The following FBXL14 variants were observed in gnomAD, a reference collection of about 807,000 sequenced individuals.
FBXL14 encodes F-box/LRR-repeat protein 14.
In FBXL14, 11 loss-of-function variants were observed where a neutral mutation model predicts 24.5. That is an observed-to-expected ratio of 0.45 (90% CI 0.28 to 0.74). FBXL14 has a LOEUF of 0.74. FBXL14 is among the 30% of genes least tolerant of loss of function. FBXL14 has a pLI of 0.12. For missense variants in FBXL14, 384 were observed against 545.6 expected (o/e 0.70, Z 2.95); for synonymous variants, 294 against 240.4 (o/e 1.22, Z -2.06).
At chr12:1,591,908 A>G (rs2094491041) in intron 1 of FBXL14, among the ~76,000 whole-genome samples, 1 of 152,098 alleles carries the variant, frequency 6.6e-6, no homozygotes, top group South Asian at 2.1e-4. Context: ...CAACGGTTCA[A>G]CTCTCATTGC....
chr12:1,569,784 T>TAA lies in FBXL14; in HGVS notation c.1195-2975_1195-2974insTT, dbSNP rs1439470402. ...TTTTATGCTGTCCCACAGAAAAGAC[T>TAA]ATTGCCAAAGAGCAGAGCCACTTTT... is the stretch of plus-strand genomic sequence containing the variant. On this transcript the variant is annotated intron_variant, in intron 1 of 1. Transcript: ENST00000339235. This position sits in a 1 kb window ranked among gnomAD's most constrained non-coding sequence, Gnocchi z 4.2. 6.6e-6 allele frequency among the ~76,000 whole-genome samples: 1 copy of TAA among 152,204 alleles called. No homozygotes were observed. The highest frequency in any genetic ancestry group is 1.5e-5 in the Non-Finnish European group (1 of 68,038).
rs2094461908 is a variant in FBXL14 at position 1,579,370 on chromosome 12, C to G, written c.1195-12560G>C. On this transcript the variant is annotated intron_variant, in intron 1 of 1. Coordinates refer to ENST00000339235, the MANE Select transcript of FBXL14 (RefSeq NM_152441.3). The surrounding 1 kb of genome is among the most constrained non-coding windows in gnomAD (Gnocchi z 4.3). The stretch of plus-strand genomic sequence containing the variant: ...GTGGCTCACGCCTGTAATCCCAGCA[C>G]TTTGGGAGGCTGAGGTGGGTGGATC... 3.3e-5 allele frequency among the ~76,000 whole-genome samples: 5 copies of G among 152,036 alleles called. No homozygotes were observed. In the South Asian group the frequency reaches 1.0e-3, roughly 31 times the overall value.
At chr12:1,589,828 C>CT (rs2094485446) in intron 1 of FBXL14, among the ~76,000 whole-genome samples, 1 of 152,188 alleles carries the variant, frequency 6.6e-6, no homozygotes, top group Non-Finnish European at 1.5e-5. Flanking sequence ...ATGGTCGTAA[C>CT]TTTCAAACAT....
At chr12:1,578,161 A>G (rs2094459519) in intron 1 of FBXL14, among the ~76,000 whole-genome samples, 1 of 152,172 alleles carries the variant, frequency 6.6e-6, no homozygotes, top group Admixed American at 6.5e-5. Context: ...AATTCTAATT[A>G]TGTTCATCTT....
intron 1 of FBXL14, among the ~76,000 whole-genome samples, chr12:1,581,463 T>C (rs1466331995): frequency 2.0e-5 from 3 of 152,126 alleles, no homozygotes; most frequent in Non-Finnish European, 4.4e-5. Context: ...TCACGTGGTT[T>C]GGATGGAGAA....
chr12:1,572,233 A>G (rs190810761), intron 1 of FBXL14, among the ~76,000 whole-genome samples: 1 of 152,352 alleles, frequency 6.6e-6, no homozygotes, highest in East Asian at 1.9e-4. Context: ...GGAACTTTTT[A>G]AATAACTTTA....
Position 1,566,527 on chromosome 12 carries a change from G to C in FBXL14, c.*221C>G. On this transcript the variant is annotated 3_prime_UTR_variant, in exon 2 of 2. Coordinates refer to ENST00000339235, the MANE Select transcript of FBXL14 (RefSeq NM_152441.3). ...AGCAAGTCTCCTTGGATCCATAAAG[G>C]AAGCGAGGTCTCAGAGCAAACCACT... 2.2e-6 allele frequency: 1 copy of C among 455,734 alleles called. No individual in the cohort carries two copies. Among genetic ancestry groups the C allele is most frequent in the Non-Finnish European group, 3.9e-6 (1 of 257,416 alleles). The allele number at this position is 455,734 out of a possible 1,614,324, so 28.2% of individuals were successfully genotyped here. A position where few individuals can be genotyped will look rare whatever the true frequency, so the allele number is the denominator to read the frequency against.
chr12:1,566,559 A>C lies in FBXL14; in HGVS notation c.*189T>G. On this transcript the variant is annotated 3_prime_UTR_variant, in exon 2 of 2. Coordinates refer to ENST00000339235, the MANE Select transcript of FBXL14 (RefSeq NM_152441.3). The stretch of plus-strand genomic sequence containing the variant: ...GGTCTCAGAGCAAACCACTGTCCCC[A>C]GAACTGGAGAAACCGGCAGGAGAAT... The C allele has an allele frequency of 1.8e-6, 1 of 555,422 alleles. No homozygotes were observed. The allele number at this position is 555,422 out of a possible 1,614,324, so 34.4% of individuals were successfully genotyped here.
At chr12:1,583,133 T>A (rs67002009) in intron 1 of FBXL14, among the ~76,000 whole-genome samples, 21,289 of 144,612 alleles carry the variant, frequency 0.15, 2,119 homozygotes, top group African/African-American at 0.33. Context: ...TAAAAAAAAT[T>A]AAAAAAAAGA....
At chr12:1,591,720 T>G (rs554022841) in intron 1 of FBXL14, among the ~76,000 whole-genome samples, 3 of 152,162 alleles carry the variant, frequency 2.0e-5, no homozygotes, top group East Asian at 3.9e-4. Context: ...AGAACAGAGA[T>G]AAGATATGAG....
intron 1 of FBXL14, among the ~76,000 whole-genome samples, chr12:1,585,898 A>G (rs2094475579): frequency 6.6e-6 from 1 of 152,208 alleles, no homozygotes; most frequent in Non-Finnish European, 1.5e-5. Flanking sequence ...TAGCATGTGA[A>G]ATATGTGTGA....
At chr12:1,574,925 C>A (rs1465655547) in intron 1 of FBXL14, 7 of 150,412 alleles carry the variant, frequency 4.7e-5, no homozygotes, top group African/African-American at 1.5e-4. Context: ...AAAAAATTAT[C>A]TTTGATAAAT....
intron 1 of FBXL14, among the ~76,000 whole-genome samples, chr12:1,583,062 CTCTTA>C (rs2094469721): frequency 6.6e-6 from 1 of 151,904 alleles, no homozygotes; most frequent in Admixed American, 6.6e-5. Context: ...TTCATAGACT[CTCTTA>C]TATTTTATGA....
chr12:1,581,533 G>T (rs2094466341), intron 1 of FBXL14, among the ~76,000 whole-genome samples: 2 of 152,196 alleles, frequency 1.3e-5, no homozygotes, highest in South Asian at 4.1e-4. Context: ...GTCGGAGCCG[G>T]CCTGTCCCGG....
intron 1 of FBXL14, among the ~76,000 whole-genome samples, chr12:1,581,239 TAA>T (rs1290388683): frequency 6.6e-6 from 1 of 151,876 alleles, no homozygotes; most frequent in Non-Finnish European, 1.5e-5. Flanking sequence ...TGGTAGCAGC[TAA>T]AAGAGTACAG....
In FBXL14 at chr12:1,567,629, T is replaced by C. The variant is rs1484791015; in HGVS notation, c.1195-819A>G. Among the ~76,000 whole-genome samples the C allele has an allele frequency of 2.0e-5, 3 of 152,242 alleles. No homozygotes were observed. Among genetic ancestry groups the C allele is most frequent in the East Asian group, 1.9e-4 (1 of 5,192 alleles). On this transcript the variant is annotated intron_variant, in intron 1 of 1. Coordinates refer to ENST00000339235, the MANE Select transcript of FBXL14 (RefSeq NM_152441.3). The surrounding 1 kb of genome is among the most constrained non-coding windows in gnomAD (Gnocchi z 4.8). Reference sequence around the variant, plus strand: ...GGAAATTGAAAGCAGCTCTGATTAATGTGAGGGGCTGTAATGGATAAAGTA... The same window carrying C: ...GGAAATTGAAAGCAGCTCTGATTAACGTGAGGGGCTGTAATGGATAAAGTA...
At chr12:1,568,406 T>G (rs969506999) in intron 1 of FBXL14, among the ~76,000 whole-genome samples, 1 of 152,204 alleles carries the variant, frequency 6.6e-6, no homozygotes, top group Non-Finnish European at 1.5e-5. Flanking sequence ...CAAGAAATGT[T>G]ACAAGAAATT....
intron 1 of FBXL14, among the ~76,000 whole-genome samples, chr12:1,575,572 C>T (rs1311255583): frequency 6.6e-6 from 1 of 152,206 alleles, no homozygotes; most frequent in Non-Finnish European, 1.5e-5. Flanking sequence ...TCGGAATCTC[C>T]TGTCTGAAGC....
chr12:1,573,668 G>A (rs143406773), intron 1 of FBXL14, among the ~76,000 whole-genome samples: 71 of 152,324 alleles, frequency 4.7e-4, no homozygotes, highest in African/African-American at 1.6e-3. Context: ...AGAGAGGGAA[G>A]AACATTCTAT....
Sources: gnomAD v4.1 joint callset for allele counts (sites outside exome capture counted in the v4.1 genomes callset) on GRCh38, gnomAD v4.1.1 for gene constraint, Gnocchi (gnomAD v3.1) non-coding constraint, MANE v1.5 for transcripts, NCBI Gene and HGNC (gene_info 2026-07-23, HGNC 2026-07-21) for gene names.